Variants in LINGO2 observed in about 807,000 individuals in gnomAD.
The protein encoded by LINGO2 is leucine rich repeat and Ig domain containing 2, also known as leucine-rich repeat and immunoglobulin-like domain-containing nogo receptor-interacting protein 2.
In LINGO2, 14 loss-of-function variants were observed where a neutral mutation model predicts 30.6. The observed-to-expected ratio is 0.46, with a 90% CI of 0.30 to 0.72. The LOEUF (loss-of-function observed/expected upper bound fraction) is 0.72, where lower values mean the gene tolerates loss of function less well. Among genes scored for constraint, LINGO2 ranks in the 30% least tolerant of loss-of-function variants. The probability of loss-of-function intolerance (pLI) is 0.07; values close to 1 mark genes in which losing one functional copy is unlikely to be tolerated. For synonymous variants in LINGO2, 317 were observed against 288.5 expected (o/e 1.10, Z -1.00); for missense variants, 729 against 751.7 (o/e 0.97, Z 0.35).
At chr9:28,876,225 C>A in the LINGO2 span, among the ~76,000 whole-genome samples, 11 of 151,560 alleles carry the variant, frequency 7.3e-5, no homozygotes, top group African/African-American at 2.7e-4. Context: ...GTCATGCCTA[C>A]GATATAGTAT....
the LINGO2 span, among the ~76,000 whole-genome samples, chr9:29,089,654 C>T: frequency 6.6e-6 from 1 of 151,972 alleles, no homozygotes; most frequent in South Asian, 2.1e-4. Flanking sequence ...TTTATAACAC[C>T]TTCTAACTGA....
chr9:28,903,912 G>T, the LINGO2 span, among the ~76,000 whole-genome samples: 1 of 28,904 alleles, frequency 3.5e-5, no homozygotes, highest in Non-Finnish European at 1.2e-4. Flanking sequence ...CAGGGACAGT[G>T]TAAAAAAACT....
At chr9:29,171,298 C>T in the LINGO2 span, among the ~76,000 whole-genome samples, 1 of 152,056 alleles carries the variant, frequency 6.6e-6, no homozygotes, top group Non-Finnish European at 1.5e-5. Context: ...TTTTCTGGAA[C>T]ATGAAGAGAT....
intron 1 of LINGO2, among the ~76,000 whole-genome samples, chr9:28,490,371 T>C (rs1826348349): frequency 6.6e-6 from 1 of 152,210 alleles, no homozygotes; most frequent in Non-Finnish European, 1.5e-5. Context: ...AAAAAGCAAA[T>C]TTTCCTATCT....
intron 1 of LINGO2, among the ~76,000 whole-genome samples, chr9:28,613,327 A>G (rs1219063885): frequency 1.3e-5 from 2 of 152,064 alleles, no homozygotes; most frequent in African/African-American, 4.8e-5. Flanking sequence ...AAATGACTAT[A>G]CATATGTATT....
Position 28,408,766 on chromosome 9 carries a change from TAAAAAAACAAAAAA to T in LINGO2, c.-278-35912_-278-35899del, listed in dbSNP as rs201945495. Reference sequence around the variant, plus strand: ...CACATGTACCCTTAAACTTAAAGTATAAAAAAACAAAAAAAAAAAAACAAAAAAAAACAAATAGA... The same window carrying T: ...CACATGTACCCTTAAACTTAAAGTATAAAAAAACAAAAAAAAACAAATAGA... On this transcript the variant is annotated intron_variant, in intron 2 of 5. Coordinates refer to ENST00000379992, the Ensembl canonical transcript of LINGO2. Among the ~76,000 whole-genome samples, 783 of 60,858 alleles carry T rather than the reference TAAAAAAACAAAAAA, an allele frequency of 0.013. 37 individuals carry two copies. The East Asian group carries it at 0.19, about 15-fold the overall frequency. The allele number at this position is 60,858 out of a possible 152,430, so 39.9% of individuals were successfully genotyped here. A position where few individuals can be genotyped will look rare whatever the true frequency, so the allele number is the denominator to read the frequency against.
At chr9:28,285,004 T>C (rs1258630232) in intron 4 of LINGO2, among the ~76,000 whole-genome samples, 1 of 152,200 alleles carries the variant, frequency 6.6e-6, no homozygotes, top group Non-Finnish European at 1.5e-5. Context: ...TCAAAGAGCC[T>C]GAAGAAGAAC....
At chr9:28,315,557 A>T (rs548432125) in intron 3 of LINGO2, among the ~76,000 whole-genome samples, 1 of 152,254 alleles carries the variant, frequency 6.6e-6, no homozygotes, top group South Asian at 2.1e-4. Context: ...AATGCAAATT[A>T]TTTTTGTCAC....
intron 4 of LINGO2, among the ~76,000 whole-genome samples, chr9:28,151,459 T>C (rs1032733359): frequency 6.6e-6 from 1 of 151,812 alleles, no homozygotes; most frequent in African/African-American, 2.4e-5. Context: ...TATAAAATAA[T>C]AAAGGTCATA....
At chr9:28,216,476 C>T (rs10968393) in intron 4 of LINGO2, among the ~76,000 whole-genome samples, 11,422 of 151,920 alleles carry the variant, frequency 0.075, 640 homozygotes, top group East Asian at 0.21. Flanking sequence ...TCCATCTCTA[C>T]AGAAAGAGCA....
intron 4 of LINGO2, among the ~76,000 whole-genome samples, chr9:28,236,974 GTCTATA>G (rs1821589971): frequency 6.6e-6 from 1 of 152,022 alleles, no homozygotes; most frequent in Non-Finnish European, 1.5e-5. Flanking sequence ...TGCATTGCAT[GTCTATA>G]CCAGAATATC....
chr9:28,241,267 C>CAAAA (rs1164724626), intron 4 of LINGO2, among the ~76,000 whole-genome samples: 81 of 83,524 alleles, frequency 9.7e-4, no homozygotes, highest in East Asian at 1.1e-3. Context: ...GACCCTGTCT[C>CAAAA]AAAAAAAAAA....
the LINGO2 span, among the ~76,000 whole-genome samples, chr9:29,067,002 A>T: frequency 1.3e-5 from 2 of 151,846 alleles, no homozygotes; most frequent in Admixed American, 6.6e-5. Flanking sequence ...TACTGGAATA[A>T]GGGTAACTAT....
chr9:29,171,338 A>G, the LINGO2 span, among the ~76,000 whole-genome samples: 1 of 152,230 alleles, frequency 6.6e-6, no homozygotes, highest in Non-Finnish European at 1.5e-5. Flanking sequence ...CACACTGAGG[A>G]GAGGAGAACA....
chr9:28,795,690 T>G, the LINGO2 span, among the ~76,000 whole-genome samples: 2 of 152,104 alleles, frequency 1.3e-5, no homozygotes, highest in Non-Finnish European at 2.9e-5. Context: ...TGGAACATGT[T>G]AATTCTTGCC....
intron 3 of LINGO2, among the ~76,000 whole-genome samples, chr9:28,368,332 C>T (rs1449836848): frequency 1.3e-5 from 2 of 152,066 alleles, no homozygotes; most frequent in African/African-American, 4.8e-5. Context: ...TTAGTGCAGC[C>T]CACAATAAAG....
the LINGO2 span, among the ~76,000 whole-genome samples, chr9:28,683,720 G>A: frequency 6.6e-6 from 1 of 152,150 alleles, no homozygotes; most frequent in African/African-American, 2.4e-5. Context: ...AACATGAAAT[G>A]CAATCAAGCT....
chr9:28,157,856 A>T (rs942217419), intron 4 of LINGO2, among the ~76,000 whole-genome samples: 1 of 152,114 alleles, frequency 6.6e-6, no homozygotes, highest in African/African-American at 2.4e-5. Flanking sequence ...CCTCATCTCC[A>T]TCTGAGACTA....
the LINGO2 span, among the ~76,000 whole-genome samples, chr9:28,949,824 G>A: frequency 4.6e-5 from 7 of 152,030 alleles, no homozygotes; most frequent in African/African-American, 1.7e-4. Flanking sequence ...GAAAATTCAG[G>A]CCAATATCCC....
Sources: allele counts gnomAD v4.1 joint callset (sites outside exome capture counted in the v4.1 genomes callset), GRCh38; gene constraint gnomAD v4.1.1; transcripts MANE v1.5; gene names NCBI Gene and HGNC (gene_info 2026-07-23, HGNC 2026-07-21).